NEB: variants seen among roughly 807,000 people sequenced by gnomAD.
NEB encodes the protein nemaline myopathy type 2.
In NEB, 512 loss-of-function variants were observed where a neutral mutation model predicts 952.2. The ratio of observed to expected loss-of-function variants is 0.54; its 90% CI spans 0.50 to 0.58. The LOEUF (loss-of-function observed/expected upper bound fraction) is 0.58, where lower values mean the gene tolerates loss of function less well. Ranked by LOEUF, NEB falls within the 20% of genes least tolerant of loss-of-function variation. NEB has a pLI of 0.00. For missense variants in NEB, 8,428 were observed against 9,231.1 expected, an observed-to-expected ratio of 0.91 and a Z score of 3.56; for synonymous variants, 2,900 against 3,149.8, an observed-to-expected ratio of 0.92 and a Z score of 2.66.
intron 144 of NEB, 125 bp from the exon 145 acceptor site, chr2:151,531,226 C>T (rs1349557656): frequency 1.5e-6 from 1 of 654,280 alleles, no homozygotes; most frequent in Non-Finnish European, 2.7e-6. Flanking sequence ...TTGACAGGTG[C>T]TTTCATGCTC....
chr2:151,581,623 G>C (rs1396303028), intron 102 of NEB, 36 bp from the exon 103 acceptor site: 2 of 1,125,562 alleles, frequency 1.8e-6, no homozygotes, highest in Non-Finnish European at 2.6e-6. Flanking sequence ...TGGTCAATTA[G>C]TAAATAAGTC....
rs763753126 is a variant in NEB at position 151,717,533 on chromosome 2, AAG to A, written c.718-15_718-14del. ...TTTTGTAGGCAACCTGATGAAATAA[AAG>A]ACAGGGATGTATTTTAAAAACGATT... On this transcript the variant is annotated splice_polypyrimidine_tract_variant and intron_variant, in intron 9 of 181. Transcript: ENST00000397345. 5 of 1,582,662 alleles carry A rather than the reference AAG, an allele frequency of 3.2e-6. No individual in the cohort carries two copies. The Admixed American group carries it at 5.0e-5, about 16-fold the overall frequency.
At position 151,625,529 on chromosome 2, in the gene NEB, C is replaced by A. The variant is rs370685957; in HGVS notation, c.10452+5G>T. 1.9e-6 allele frequency: 3 copies of A among 1,568,544 alleles called. No individual in the cohort carries two copies. The highest frequency in any genetic ancestry group is 1.1e-5 in the South Asian group (1 of 87,564). On this transcript the variant is annotated splice_donor_5th_base_variant and intron_variant, in intron 71 of 181. Transcript: ENST00000397345. ...AGACCAAAGAAATAAAACAAATGAT[C>A]TTACCTCACTATAATTTATTTTATT...
rs1271769590 is a variant in NEB at position 151,650,585 on chromosome 2, G to C, written c.7216C>G (p.Leu2406Val). 1 of 1,573,932 alleles carries C rather than the reference G, an allele frequency of 6.4e-7. No individual in the cohort carries two copies. Among genetic ancestry groups the C allele is most frequent in the East Asian group, 2.2e-5 (1 of 44,452 alleles). ...DVVQAKKVYE[L>V]QSENLYKSDL... ...TAATAGAAACTGACCTCACTTTGCAGTTCATAAACTTTCTTAGCTTGCACA... is the reference window on the plus strand; with the variant it reads ...TAATAGAAACTGACCTCACTTTGCACTTCATAAACTTTCTTAGCTTGCACA... The change falls in exon 53 of 182, where the codon CTG becomes GTG. Residue 2406 changes from leucine to valine, a missense_variant. Leu to Val is a conservative substitution (Grantham distance 32, BLOSUM62 1). Around this residue, in one of 11 missense-constraint regions of NEB, gnomAD observed 1,772 missense variants for 1,960.3 expected, o/e 0.90. Coordinates refer to ENST00000397345, the MANE Select transcript of NEB (RefSeq NM_001164508.2).
intron 24 of NEB, 78 bp downstream of exon 24, chr2:151,690,649 T>C (rs1369710566): frequency 2.0e-6 from 2 of 1,015,014 alleles, no homozygotes; most frequent in Non-Finnish European, 3.0e-6. Flanking sequence ...CCCATGAAGA[T>C]TAAGCATGTA....
rs116533173 is a variant in NEB at position 151,614,313 on chromosome 2, A to T, written c.11564T>A (p.Val3855Asp). 6.2e-7 allele frequency: 1 copy of T among 1,613,748 alleles called. No homozygotes were observed. Among genetic ancestry groups the T allele is most frequent in the African/African-American group, 1.3e-5 (1 of 74,920 alleles). The change falls in exon 77 of 182, where the codon GTC (valine) becomes GAC (aspartate). Residue 3855 changes from valine to aspartate, a missense_variant. Val to Asp is a radical substitution (Grantham distance 152). This residue lies in a region of NEB where 1,772 missense variants were observed against 1,960.3 expected (regional missense o/e 0.90). Transcript: ENST00000397345. ...GTCATAGGCCTTCCGAGCCTGAATG[A>T]CGTCATTCTGATCAGGCAGGCAGGT... is the stretch of plus-strand genomic sequence containing the variant. Reference protein sequence around the residue: ...EWTCLPDQNDVIQARKAYDLQ... With the variant: ...EWTCLPDQNDDIQARKAYDLQ...
rs779503792 is a variant in NEB, at chr2:151,655,961, A to T, written c.6558T>A (p.Ser2186=). The T allele has an allele frequency of 3.7e-6, 6 of 1,613,730 alleles. No individual in the cohort carries two copies. Among genetic ancestry groups the T allele is most frequent in the Non-Finnish European group, 5.1e-6 (6 of 1,179,758 alleles). Residue 2186 remains serine, a synonymous_variant, in exon 50 of 182, where the codon TCT becomes TCA. Coordinates refer to ENST00000397345, the MANE Select transcript of NEB (RefSeq NM_001164508.2). ...YKGLGWSPAG[S]LEVEKAKKAT... ...CTTTCTTGGCCTTCTCCACTTCCAG[A>T]GAACCTGCTGGACTCCAGCCAAGCC...
chr2:151,649,186 A>C (rs922335996), intron 54 of NEB, among the ~76,000 whole-genome samples: 1 of 152,216 alleles, frequency 6.6e-6, no homozygotes, highest in African/African-American at 2.4e-5. Context: ...TCATAAAAAT[A>C]GTAAAAGAAT....
intron 38 of NEB, 85 bp from the exon 39 acceptor site, chr2:151,669,216 G>T: frequency 1.1e-6 from 1 of 948,092 alleles, no homozygotes. Flanking sequence ...AAAACGGAAG[G>T]CTATCATTTG....
intron 58 of NEB, 81 bp downstream of exon 58, chr2:151,643,069 G>A (rs1335570575): frequency 7.0e-7 from 1 of 1,430,720 alleles, no homozygotes; most frequent in Non-Finnish European, 9.6e-7. Flanking sequence ...TCAAAAACAA[G>A]TTTTCTTTTA....
chr2:151,681,140 T>A (rs2099411465), intron 29 of NEB, among the ~76,000 whole-genome samples: 1 of 152,162 alleles, frequency 6.6e-6, no homozygotes, highest in African/African-American at 2.4e-5. Context: ...TCTGGAAACA[T>A]CACAGAGTTT....
At position 151,616,098 on chromosome 2, in the gene NEB, T is replaced by A. The variant is rs2098184195; in HGVS notation, c.11193A>T (p.Lys3731Asn). Residue 3731 changes from lysine to asparagine, a missense_variant, in exon 76 of 182, where the codon AAA (lysine) becomes AAT (asparagine). Lys to Asn is a moderately conservative substitution (Grantham distance 94). Coordinates refer to ENST00000397345, the MANE Select transcript of NEB (RefSeq NM_001164508.2). ...NRINYSDKLY[K>N]LALEESKKEG... is the part of the protein sequence containing the mutation. ...CCTTCTTGGACTCTTCCAAAGCAAGTTTATAGAGTTTCTGTAGAAAAGAAA... is the reference window on the plus strand; with the variant it reads ...CCTTCTTGGACTCTTCCAAAGCAAGATTATAGAGTTTCTGTAGAAAAGAAA... 1.9e-6 allele frequency: 3 copies of A among 1,610,004 alleles called. No homozygotes were observed. The highest frequency in any genetic ancestry group is 2.5e-6 in the Non-Finnish European group (3 of 1,177,528).
Position 151,647,980 on chromosome 2 carries a change from C to T in NEB, c.7432-1746G>A, listed in dbSNP as rs112806716. On this transcript the variant is annotated intron_variant, in intron 54 of 181. Transcript: ENST00000397345. ...TGTTCTTATTCTTGGGAAATACAGA[C>T]GGAATATTTAGGCATCATGAAGCAA... Among the ~76,000 whole-genome samples, 161 of 152,042 alleles carry T rather than the reference C, an allele frequency of 1.1e-3. 1 individual carries two copies. Among genetic ancestry groups the T allele is most frequent in the African/African-American group, 3.5e-3 (146 of 41,468 alleles).
intron 55 of NEB, among the ~76,000 whole-genome samples, chr2:151,645,376 A>G (rs2098943162): frequency 6.6e-6 from 1 of 152,246 alleles, no homozygotes; most frequent in South Asian, 2.1e-4. Context: ...ATCCACATCT[A>G]TAGGTAAGAT....
rs750990726 is a variant in NEB, at chr2:151,627,783, G to A, written c.9883C>T (p.Arg3295Trp). The A allele has an allele frequency of 4.0e-5, 65 of 1,613,750 alleles. 1 individual carries two copies. Among genetic ancestry groups the A allele is most frequent in the African/African-American group, 5.3e-5 (4 of 74,864 alleles). Reference sequence around the variant, plus strand: ...ATCTTGGGGTCATCTTCAATGTTCCGGGCTCCAATGTGGTGGCCGAGCTGC... The same window carrying A: ...ATCTTGGGGTCATCTTCAATGTTCCAGGCTCCAATGTGGTGGCCGAGCTGC... ...RKQLGHHIGA[R>W]NIEDDPKMMW... The change falls in exon 69 of 182, where the codon CGG (arginine) becomes TGG (tryptophan). Residue 3295 changes from arginine to tryptophan, a missense_variant. Arg to Trp is a moderately radical substitution (Grantham distance 101). Transcript: ENST00000397345.
chr2:151,485,909 A>G lies in NEB; in HGVS notation c.25429T>C (p.Tyr8477His), dbSNP rs1051639339. The part of the protein sequence containing the change: ...AGKIFRAMYD[Y>H]MAADADEVSF... The stretch of plus-strand genomic sequence containing the variant: ...ACCTCATCTGCATCAGCAGCCATAT[A>G]GTCATACATGGCACGGAAGATTTTC... The change falls in exon 182 of 182, where the codon TAT (tyrosine) becomes CAT (histidine). Residue 8477 changes from tyrosine (Y) to histidine (H), a missense_variant. Tyr to His is a moderately conservative substitution (Grantham distance 83). Around this residue, in one of 11 missense-constraint regions of NEB, gnomAD observed 3,374 missense variants for 3,651.5 expected, o/e 0.92. Transcript: ENST00000397345. 4.3e-6 allele frequency: 7 copies of G among 1,613,828 alleles called. No individual in the cohort carries two copies. The Admixed American group carries it at 1.2e-4, about 27-fold the overall frequency.
Position 151,671,087 on chromosome 2 carries a change from A to C in NEB, c.4442T>G (p.Phe1481Cys). Residue 1481 changes from phenylalanine (F) to cysteine (C), a missense_variant, in exon 38 of 182, where the codon TTC (phenylalanine) becomes TGC (cysteine). Phe to Cys is a radical substitution (Grantham distance 205). Transcript: ENST00000397345. ...KYRQHPDTVK[F>C]TSVPDSMGMV... ...GCCCATGGAATCAGGCACACTTGTG[A>C]ACTTGACGGTATCTGGGTGCTGTCG... is the stretch of plus-strand genomic sequence containing the variant. 2 of 1,613,994 alleles carry C rather than the reference A, an allele frequency of 1.2e-6. No homozygotes were observed. Among genetic ancestry groups the C allele is most frequent in the Non-Finnish European group, 1.7e-6 (2 of 1,179,886 alleles).
chr2:151,563,944 A>T lies in NEB; in HGVS notation c.18472-14T>A. ...TTTATACAGTATCTAGAACAAAGAA[A>T]TACATGGCAACAAAAGTTTTCTTTC... is the stretch of plus-strand genomic sequence containing the variant. On this transcript the variant is annotated splice_polypyrimidine_tract_variant and intron_variant, in intron 117 of 181. Transcript: ENST00000397345. 6.4e-7 allele frequency: 1 copy of T among 1,562,400 alleles called. No individual in the cohort carries two copies. The highest frequency in any genetic ancestry group is 8.7e-7 in the Non-Finnish European group (1 of 1,147,150).
At chr2:151,517,300 C>T (rs1013608255) in intron 156 of NEB, among the ~76,000 whole-genome samples, 93 of 152,186 alleles carry the variant, frequency 6.1e-4, no homozygotes, top group Non-Finnish European at 1.3e-4. Flanking sequence ...CACGCAGCAC[C>T]TTGATGGCAC....
Sources: gnomAD v4.1 joint callset for allele counts (sites outside exome capture counted in the v4.1 genomes callset) on GRCh38, gnomAD v4.1.1 for gene constraint, gnomAD v4.1.1 regional missense constraint, MANE v1.5 for transcripts, NCBI Gene and HGNC (gene_info 2026-07-23, HGNC 2026-07-21) for gene names.